DENND5A: variants seen among roughly 807,000 people sequenced by gnomAD.
DENND5A encodes the protein DENN domain containing 5A.
In DENND5A, 64 loss-of-function variants were observed where a neutral mutation model predicts 140.3. That is an observed-to-expected ratio of 0.46 (90% CI 0.37 to 0.56). The LOEUF (loss-of-function observed/expected upper bound fraction) is 0.56, where lower values mean the gene tolerates loss of function less well. Ranked by LOEUF, DENND5A falls within the 20% of genes least tolerant of loss-of-function variation. The pLI is 0.00. For synonymous variants in DENND5A, 605 were observed against 607.7 expected (o/e 1.00, Z 0.07); for missense variants, 1,292 against 1,593.8 (o/e 0.81, Z 3.22).
At chr11:9,233,567 G>A (rs1379018719) in intron 1 of DENND5A, among the ~76,000 whole-genome samples, 2 of 151,980 alleles carry the variant, frequency 1.3e-5, no homozygotes, top group Non-Finnish European at 2.9e-5. Context: ...ATTGAGATGA[G>A]ATCATCCTGG....
intron 1 of DENND5A, among the ~76,000 whole-genome samples, chr11:9,211,944 A>C (rs1274376451): frequency 3.3e-5 from 5 of 151,710 alleles, no homozygotes; most frequent in South Asian, 2.1e-4. Context: ...AAAAAAAAAA[A>C]AAAAACAGAT....
Position 9,178,007 on chromosome 11 carries a change from TGCAG to T in DENND5A, c.1906+121_1906+124del, listed in dbSNP as rs113984692. The T allele has an allele frequency of 0.012, 8,647 of 722,258 alleles. 460 individuals carry two copies. In the African/African-American group the frequency reaches 0.13, roughly 11 times the overall value. 44.7% of individuals were successfully genotyped at this position (722,258 alleles called of 1,614,324 possible). On this transcript the variant is annotated intron_variant, in intron 8 of 22. Coordinates refer to ENST00000328194, the MANE Select transcript of DENND5A (RefSeq NM_015213.4). ...GCAAAAAGAAAACAAGGAAGAAGAC[TGCAG>T]GCAATGGGAACCACATACACAAAGG...
At chr11:9,259,850 G>C (rs572863243) in intron 1 of DENND5A, among the ~76,000 whole-genome samples, 15 of 151,880 alleles carry the variant, frequency 9.9e-5, no homozygotes. Context: ...CCAACATGGC[G>C]AAATCCTGTC....
rs75141104 is a variant in DENND5A, at chr11:9,188,545, T to C, written c.1137+4949A>G. 6.0e-3 allele frequency among the ~76,000 whole-genome samples: 914 copies of C among 152,302 alleles called. 11 individuals are homozygous for C. The highest frequency in any genetic ancestry group is 0.021 in the African/African-American group (868 of 41,556). ...AAGTTTGGAACTCCCTAGAGACTTGTTGAATGGCTGTGACCAAAATGCTAA... is the reference window on the plus strand; with the variant it reads ...AAGTTTGGAACTCCCTAGAGACTTGCTGAATGGCTGTGACCAAAATGCTAA... On this transcript the variant is annotated intron_variant, in intron 5 of 22. Transcript: ENST00000328194.
chr11:9,249,503 A>G (rs1194277340), intron 1 of DENND5A, among the ~76,000 whole-genome samples: 1 of 152,094 alleles, frequency 6.6e-6, no homozygotes, highest in African/African-American at 2.4e-5. Context: ...GCTGAGGCAC[A>G]TGCCATCACA....
chr11:9,265,165 C>T lies in DENND5A; in HGVS notation c.-96G>A. 1 of 648,650 alleles carries T rather than the reference C, an allele frequency of 1.5e-6. No individual in the cohort carries two copies. Among genetic ancestry groups the T allele is most frequent in the Non-Finnish European group, 1.9e-6 (1 of 518,792 alleles). The allele number at this position is 648,650 out of a possible 1,614,324, so 40.2% of individuals were successfully genotyped here. ...TCCGCCCTCAGGCCGCCCCTCCCGC[C>T]GCCGCCGCTACCGCGGCTCGGGCCG... On this transcript the variant is annotated 5_prime_UTR_variant, in exon 1 of 23. Transcript: ENST00000328194. This position sits in a 1 kb window ranked among gnomAD's most constrained non-coding sequence, Gnocchi z 4.7.
At chr11:9,227,783 C>A (rs896626155) in intron 1 of DENND5A, among the ~76,000 whole-genome samples, 11 of 151,374 alleles carry the variant, frequency 7.3e-5, no homozygotes, top group African/African-American at 1.9e-4. Flanking sequence ...AGCAAGATAC[C>A]ATCTCTACAA....
chr11:9,178,265 A>G lies in DENND5A; in HGVS notation c.1773T>C (p.Cys591=), dbSNP rs1315775917. Residue 591 remains cysteine (C), a synonymous_variant, in exon 8 of 23, where the codon TGT becomes TGC. Transcript: ENST00000328194. ...CAGGGTCTTTATCATCATCATCATG[A>G]CACATTATTTTGTTGTCAATGAAAG... ...FASFIDNKIM[C]HDDDDKDPVL... 3 of 1,613,846 alleles carry G rather than the reference A, an allele frequency of 1.9e-6. No homozygotes were observed. Among genetic ancestry groups the G allele is most frequent in the East Asian group, 2.2e-5 (1 of 44,886 alleles).
chr11:9,250,271 C>CA (rs533567696), intron 1 of DENND5A, among the ~76,000 whole-genome samples: 31,742 of 141,980 alleles, frequency 0.22, 3,439 homozygotes, highest in African/African-American at 0.26. Flanking sequence ...AAACTGTCAC[C>CA]AAAAAAAAAA....
chr11:9,171,828 A>G (rs1396902350), intron 8 of DENND5A: 1 of 152,176 alleles, frequency 6.6e-6, no homozygotes, highest in Non-Finnish European at 1.5e-5. Context: ...ACACTACCGC[A>G]CTCCAGCCTG....
intron 1 of DENND5A, among the ~76,000 whole-genome samples, chr11:9,262,632 A>G (rs1480507573): frequency 6.6e-6 from 1 of 152,232 alleles, no homozygotes; most frequent in Non-Finnish European, 1.5e-5. Flanking sequence ...AAATTACATC[A>G]AAGTCACAAA....
intron 12 of DENND5A, among the ~76,000 whole-genome samples, chr11:9,152,662 A>G (rs1277510031): frequency 6.6e-6 from 1 of 152,190 alleles, no homozygotes; most frequent in East Asian, 1.9e-4. Flanking sequence ...CCTACTGGGA[A>G]TAGAAAGGAG....
At chr11:9,207,445 T>C (rs1048353593) in intron 2 of DENND5A, 116 bp downstream of exon 2, 2 of 704,476 alleles carry the variant, frequency 2.8e-6, no homozygotes, top group East Asian at 2.6e-5. Flanking sequence ...AAAAATCTAG[T>C]GGTCAAAAAA....
chr11:9,240,233 A>G (rs2136271533), intron 1 of DENND5A, among the ~76,000 whole-genome samples: 1 of 152,138 alleles, frequency 6.6e-6, no homozygotes, highest in South Asian at 2.1e-4. Context: ...ATCTCTACTA[A>G]AAATACAAAA....
At chr11:9,177,945 A>C (rs1353005287) in intron 8 of DENND5A, 187 bp downstream of exon 8, 2 of 606,914 alleles carry the variant, frequency 3.3e-6, no homozygotes, top group Admixed American at 5.8e-5. Context: ...ATCCATTCCT[A>C]ACTAACAGTG....
intron 1 of DENND5A, among the ~76,000 whole-genome samples, chr11:9,256,553 G>A (rs1851954997): frequency 6.6e-6 from 1 of 152,074 alleles, no homozygotes; most frequent in East Asian, 1.9e-4. Flanking sequence ...TATTTTTCTG[G>A]CATAAACAGG....
At position 9,139,088 on chromosome 11, in the gene DENND5A, C is replaced by T. The variant is rs1161224091; in HGVS notation, c.*583G>A. 1.3e-5 allele frequency: 2 copies of T among 152,626 alleles called. No individual in the cohort carries two copies. The highest frequency in any genetic ancestry group is 6.5e-5 in the Admixed American group (1 of 15,272). 9.5% of individuals were successfully genotyped at this position (152,626 alleles called of 1,614,324 possible). On this transcript the variant is annotated 3_prime_UTR_variant, in exon 23 of 23. Transcript: ENST00000328194. ...CCAACAGGAAATGTGGTATTTGGCA[C>T]GATGACACATCCCGGCATGTCTCCT...
At chr11:9,260,490 A>G (rs891448154) in intron 1 of DENND5A, among the ~76,000 whole-genome samples, 1 of 152,160 alleles carries the variant, frequency 6.6e-6, no homozygotes, top group Non-Finnish European at 1.5e-5. Flanking sequence ...ACGATGTGCC[A>G]AAAATAATGG....
At chr11:9,148,524 T>A (rs1029483314) in intron 15 of DENND5A, among the ~76,000 whole-genome samples, 1 of 152,134 alleles carries the variant, frequency 6.6e-6, no homozygotes, top group African/African-American at 2.4e-5. Flanking sequence ...AGGATTAAAC[T>A]AAGTCTGTGC....
Sources: gnomAD v4.1 joint callset for allele counts (sites outside exome capture counted in the v4.1 genomes callset) on GRCh38, gnomAD v4.1.1 for gene constraint, Gnocchi (gnomAD v3.1) non-coding constraint, MANE v1.5 for transcripts, NCBI Gene and HGNC (gene_info 2026-07-23, HGNC 2026-07-21) for gene names.